The following KCNN4 variants were observed in gnomAD, a reference collection of about 807,000 sequenced individuals.
The protein encoded by KCNN4 is intermediate conductance calcium-activated potassium channel protein 4.
In KCNN4, 31 loss-of-function variants were observed where a neutral mutation model predicts 45.2. That is an observed-to-expected ratio of 0.69 (90% confidence interval 0.52 to 0.92). The LOEUF (loss-of-function observed/expected upper bound fraction) is 0.92, where lower values mean the gene tolerates loss of function less well. Ranked by LOEUF, KCNN4 falls within the 40% of genes least tolerant of loss-of-function variation. The probability of loss-of-function intolerance (pLI) is 0.00; values close to 1 mark genes in which losing one functional copy is unlikely to be tolerated. For synonymous variants in KCNN4, 231 were observed against 254.6 expected (o/e 0.91, Z 0.88); for missense variants, 463 against 574.0 (o/e 0.81, Z 1.98).
At chr19:43,778,808 GCC>G (rs1427555069) in intron 1 of KCNN4, among the ~76,000 whole-genome samples, 2 of 152,092 alleles carry the variant, frequency 1.3e-5, no homozygotes, top group African/African-American at 2.4e-5. Flanking sequence ...CTCTCTGCCA[GCC>G]CCTCCCCCTG....
chr19:43,777,935 G>A (rs1251556160), intron 1 of KCNN4, among the ~76,000 whole-genome samples: 1 of 152,140 alleles, frequency 6.6e-6, no homozygotes, highest in Admixed American at 6.5e-5. Flanking sequence ...CTGCCCCAGG[G>A]GCCTGCTCCC....
intron 3 of KCNN4, among the ~76,000 whole-genome samples, chr19:43,773,398 T>C (rs1969698217): frequency 6.6e-6 from 1 of 152,226 alleles, no homozygotes; most frequent in African/African-American, 2.4e-5. Context: ...CCAGATCTTC[T>C]CATTCTCCTC....
At chr19:43,771,107 G>T (rs1261600252) in intron 4 of KCNN4, among the ~76,000 whole-genome samples, 1 of 152,096 alleles carries the variant, frequency 6.6e-6, no homozygotes, top group Admixed American at 6.5e-5. Context: ...GAAGGCCAAG[G>T]CATTAGGTGC....
At chr19:43,777,677 T>C (rs1260710679) in intron 1 of KCNN4, among the ~76,000 whole-genome samples, 3 of 151,874 alleles carry the variant, frequency 2.0e-5, no homozygotes, top group South Asian at 4.1e-4. Flanking sequence ...TGTTCCTTTT[T>C]TTTTTTTTCC....
chr19:43,776,515 A>G, intron 2 of KCNN4, 26 bp downstream of exon 2: 3 of 1,521,472 alleles, frequency 2.0e-6, no homozygotes, highest in South Asian at 2.2e-5. Flanking sequence ...GGAGGGAGCA[A>G]GGCTTAGGGG....
chr19:43,776,391 C>G, intron 2 of KCNN4, 150 bp downstream of exon 2: 1 of 625,908 alleles, frequency 1.6e-6, no homozygotes, highest in Non-Finnish European at 2.9e-6. Context: ...ATGGTTCATC[C>G]CATCTGGGTA....
chr19:43,771,006 G>A lies in KCNN4; in HGVS notation c.819+994C>T, dbSNP rs1026200484. On this transcript the variant is annotated intron_variant, in intron 4 of 8. Transcript: ENST00000648319. ...TCACCTGTGCACCTAGGGATTGGGG[G>A]ATGAATATGTCCTTCCTAGGCCCAC... Among the ~76,000 whole-genome samples, 3 of 152,310 alleles carry A rather than the reference G, an allele frequency of 2.0e-5. No homozygotes were observed. In the South Asian group the frequency reaches 6.2e-4, roughly 32 times the overall value.
chr19:43,767,105 G>C lies in KCNN4; in HGVS notation c.*4-16C>G. 1 of 198,520 alleles carries C rather than the reference G, an allele frequency of 5.0e-6. No individual in the cohort carries two copies. Among genetic ancestry groups the C allele is most frequent in the East Asian group, 1.2e-4 (1 of 8,398 alleles). 12.3% of individuals were successfully genotyped at this position (198,520 alleles called of 1,614,324 possible). ...CTCGTGGGTCCTGGAGAGACAGAGA[G>C]ACTGATGGAGAGGCAGGCCAGGAAG... On this transcript the variant is annotated splice_polypyrimidine_tract_variant and intron_variant, in intron 8 of 8. Coordinates refer to ENST00000648319, the MANE Select transcript of KCNN4 (RefSeq NM_002250.3).
At chr19:43,778,570 T>C (rs1969881805) in intron 1 of KCNN4, among the ~76,000 whole-genome samples, 1 of 152,186 alleles carries the variant, frequency 6.6e-6, no homozygotes, top group South Asian at 2.1e-4. Flanking sequence ...TGTGTGTGTA[T>C]CTCTCACTGG....
rs1163298525 is a variant in KCNN4, at chr19:43,772,252, C to T, written c.684-117G>A. ...CCTCTGGTTCCCTCCCTTCCCCTCC[C>T]AGTATACACCCATAGTCCTAAGAAT... On this transcript the variant is annotated intron_variant, in intron 3 of 8. Coordinates refer to ENST00000648319, the MANE Select transcript of KCNN4 (RefSeq NM_002250.3). This position sits in a 1 kb window ranked among gnomAD's most constrained non-coding sequence, Gnocchi z 4.4. 9.2e-7 allele frequency: 1 copy of T among 1,092,456 alleles called. No homozygotes were observed. The highest frequency in any genetic ancestry group is 2.6e-5 in the East Asian group (1 of 37,834). 67.7% of individuals were successfully genotyped at this position (1,092,456 alleles called of 1,614,324 possible). A position where few individuals can be genotyped will look rare whatever the true frequency, so the allele number is the denominator to read the frequency against.
In KCNN4 at chr19:43,767,819, T is replaced by C; in HGVS notation, c.1120-112A>G. 5 of 1,313,034 alleles carry C rather than the reference T, an allele frequency of 3.8e-6. No individual in the cohort carries two copies. The South Asian group carries it at 6.5e-5, about 17-fold the overall frequency. The allele number at this position is 1,313,034 out of a possible 1,614,324, so 81.3% of individuals were successfully genotyped here. ...CCACATCCTTATGGTCCTCTGAGGA[T>C]TACCCTCGACAATAACTGTTACCAT... On this transcript the variant is annotated intron_variant, in intron 7 of 8. Coordinates refer to ENST00000648319, the MANE Select transcript of KCNN4 (RefSeq NM_002250.3).
intron 2 of KCNN4, among the ~76,000 whole-genome samples, chr19:43,775,047 C>G (rs901234156): frequency 6.6e-6 from 1 of 152,222 alleles, no homozygotes; most frequent in Non-Finnish European, 1.5e-5. Context: ...AGCCATGGGC[C>G]GGGCGCGATG....
Position 43,769,167 on chromosome 19 carries a change from G to T in KCNN4, c.1050-135C>A. The T allele has an allele frequency of 9.9e-7, 1 of 1,010,714 alleles. No individual in the cohort carries two copies. Among genetic ancestry groups the T allele is most frequent in the Non-Finnish European group, 1.5e-6 (1 of 655,954 alleles). 62.6% of individuals were successfully genotyped at this position (1,010,714 alleles called of 1,614,324 possible). A position where few individuals can be genotyped will look rare whatever the true frequency, so the allele number is the denominator to read the frequency against. On this transcript the variant is annotated intron_variant, in intron 6 of 8. Coordinates refer to ENST00000648319, the MANE Select transcript of KCNN4 (RefSeq NM_002250.3). The surrounding 1 kb of genome is among the most constrained non-coding windows in gnomAD (Gnocchi z 4.4). ...ACAAAGTTGTCGAAGAGCTGAAAGA[G>T]TGGGAGGGGATGCACCCTGCCTCCC...
At position 43,767,546 on chromosome 19, in the gene KCNN4, C is replaced by T; in HGVS notation, c.1281G>A (p.Lys427=). ...RQLPEPSQQS[K] ...CAAGTCCCAGCCCCCTCACCAGCTA[C>T]TTGGACTGCTGGCTGGGTTCTGGAA... Residue 427 remains lysine (K), a synonymous_variant, in exon 8 of 9, where the codon AAG becomes AAA. Coordinates refer to ENST00000648319, the MANE Select transcript of KCNN4 (RefSeq NM_002250.3). The T allele has an allele frequency of 4.3e-6, 7 of 1,613,550 alleles. No homozygotes were observed. Among genetic ancestry groups the T allele is most frequent in the Non-Finnish European group, 5.1e-6 (6 of 1,179,896 alleles).
In KCNN4 at chr19:43,772,683, T is replaced by C. The variant is rs1969675186; in HGVS notation, c.684-548A>G. The stretch of plus-strand genomic sequence containing the variant: ...CATTTAAGTCCAGCCATGGAAGGGG[T>C]TGAAACATTGAGATTTGTCTAACTT... On this transcript the variant is annotated intron_variant, in intron 3 of 8. Coordinates refer to ENST00000648319, the MANE Select transcript of KCNN4 (RefSeq NM_002250.3). This position sits in a 1 kb window ranked among gnomAD's most constrained non-coding sequence, Gnocchi z 4.4. Among the ~76,000 whole-genome samples the C allele has an allele frequency of 6.6e-6, 1 of 152,010 alleles. No homozygotes were observed. Among genetic ancestry groups the C allele is most frequent in the African/African-American group, 2.4e-5 (1 of 41,382 alleles).
chr19:43,779,493 C>T lies in KCNN4; in HGVS notation c.159+1210G>A, dbSNP rs142067392. ...TCAGACCCTCAGGAATCTACCCAAT[C>T]TTCATATCAGTGTCCGCATCTGGCC... On this transcript the variant is annotated intron_variant, in intron 1 of 8. Coordinates refer to ENST00000648319, the MANE Select transcript of KCNN4 (RefSeq NM_002250.3). Among the ~76,000 whole-genome samples the T allele has an allele frequency of 4.1e-3, 620 of 152,284 alleles. 6 individuals are homozygous for T. The highest frequency in any genetic ancestry group is 0.014 in the African/African-American group (589 of 41,540).
rs1969751933 is a variant in KCNN4, at chr19:43,774,776, C to T, written c.256-157G>A. On this transcript the variant is annotated intron_variant, in intron 2 of 8. Coordinates refer to ENST00000648319, the MANE Select transcript of KCNN4 (RefSeq NM_002250.3). The surrounding 1 kb of genome is among the most constrained non-coding windows in gnomAD (Gnocchi z 5.6). ...GGAGAGGGATAGGGAGGGAGCGGGA[C>T]AGGACTTGAGGAAGACATCTTTCCA... Among the ~76,000 whole-genome samples the T allele has an allele frequency of 6.6e-6, 1 of 152,138 alleles. No homozygotes were observed. Among genetic ancestry groups the T allele is most frequent in the South Asian group, 2.1e-4 (1 of 4,832 alleles).
chr19:43,777,320 T>TATGTGTGTGTGTGTGG (rs1555725402), intron 1 of KCNN4, among the ~76,000 whole-genome samples: 11 of 149,286 alleles, frequency 7.4e-5, no homozygotes, highest in African/African-American at 2.7e-4. Context: ...TGTGTGTGTG[T>TATGTGTGTGTGTGTGG]GTGTGGGTGT....
At chr19:43,770,316 T>C (rs1000750769) in intron 4 of KCNN4, among the ~76,000 whole-genome samples, 1 of 152,154 alleles carries the variant, frequency 6.6e-6, no homozygotes, top group Admixed American at 6.6e-5. Context: ...CGTCTCAGCC[T>C]GGCTCCCAAG....
Sources: gnomAD v4.1 joint callset for allele counts (sites outside exome capture counted in the v4.1 genomes callset) on GRCh38, gnomAD v4.1.1 for gene constraint, Gnocchi (gnomAD v3.1) non-coding constraint, MANE v1.5 for transcripts, NCBI Gene and HGNC (gene_info 2026-07-23, HGNC 2026-07-21) for gene names.